Variants in SYNDIG1 observed in about 807,000 individuals in gnomAD.
SYNDIG1 encodes the protein synapse differentiation inducing 1, also known as synapse differentiation-inducing gene protein 1.
In SYNDIG1, 9 loss-of-function variants were observed where a neutral mutation model predicts 19.4. That is an observed-to-expected ratio of 0.46 (90% confidence interval 0.28 to 0.81). The LOEUF is 0.81. SYNDIG1 is among the 30% of genes least tolerant of loss of function. SYNDIG1 has a pLI of 0.12. For synonymous variants in SYNDIG1, 141 were observed against 145.9 expected (o/e 0.97, Z 0.24); for missense variants, 311 against 343.3 (o/e 0.91, Z 0.74).
At chr20:24,633,261 G>A (rs536433639) in intron 3 of SYNDIG1, among the ~76,000 whole-genome samples, 19 of 152,192 alleles carry the variant, frequency 1.2e-4, no homozygotes, top group Non-Finnish European at 2.2e-4. Context: ...GAGTACAGAC[G>A]TAGGATCTGA....
chr20:24,501,825 G>A (rs1204189274), intron 1 of SYNDIG1, among the ~76,000 whole-genome samples: 1 of 152,224 alleles, frequency 6.6e-6, no homozygotes, highest in Admixed American at 6.5e-5. Context: ...ATGCATCAGA[G>A]CAAGTAAGGC....
rs568337116 is a variant in SYNDIG1 at position 24,570,944 on chromosome 20, G to GA, written c.481-13904dup. Among the ~76,000 whole-genome samples, 646 of 151,988 alleles carry GA rather than the reference G, an allele frequency of 4.3e-3. 3 individuals carry two copies. Among genetic ancestry groups the GA allele is most frequent in the Non-Finnish European group, 7.3e-3 (498 of 67,952 alleles). On this transcript the variant is annotated intron_variant, in intron 2 of 3. Transcript: ENST00000376862. ...TTACTTATTATGGACTATTACTCAG[G>GA]AAAAAAAATGAATGAACTATGGATA...
At chr20:24,596,561 T>C (rs1223054840) in intron 3 of SYNDIG1, among the ~76,000 whole-genome samples, 1 of 151,802 alleles carries the variant, frequency 6.6e-6, no homozygotes, top group East Asian at 1.9e-4. Context: ...GTATTTTTAG[T>C]AGAGATAGAG....
chr20:24,597,369 T>C (rs1259560437), intron 3 of SYNDIG1, among the ~76,000 whole-genome samples: 1 of 152,208 alleles, frequency 6.6e-6, no homozygotes, highest in African/African-American at 2.4e-5. Context: ...GGCTGCCTTA[T>C]CCCGTCTTGT....
At chr20:24,482,924 T>C (rs1220768096) in intron 1 of SYNDIG1, among the ~76,000 whole-genome samples, 1 of 152,246 alleles carries the variant, frequency 6.6e-6, no homozygotes, top group Non-Finnish European at 1.5e-5. Flanking sequence ...TAATGGTATG[T>C]AGCCATGAAG....
At chr20:24,568,395 G>A (rs561704071) in intron 2 of SYNDIG1, among the ~76,000 whole-genome samples, 16 of 152,192 alleles carry the variant, frequency 1.1e-4, no homozygotes, top group African/African-American at 3.6e-4. Context: ...TCTGTCTGTC[G>A]TGAGCATGGG....
chr20:24,625,817 C>T (rs1482686854), intron 3 of SYNDIG1, among the ~76,000 whole-genome samples: 1 of 152,122 alleles, frequency 6.6e-6, no homozygotes, highest in South Asian at 2.1e-4. Flanking sequence ...CCCACCTTTC[C>T]CCCTTTTCTA....
chr20:24,577,791 C>T (rs1424447299), intron 2 of SYNDIG1, among the ~76,000 whole-genome samples: 1 of 152,206 alleles, frequency 6.6e-6, no homozygotes, highest in African/African-American at 2.4e-5. Context: ...CGTTGAAACC[C>T]TTCTCTGGAG....
chr20:24,628,165 T>C (rs1435879730), intron 3 of SYNDIG1, among the ~76,000 whole-genome samples: 1 of 152,068 alleles, frequency 6.6e-6, no homozygotes, highest in Non-Finnish European at 1.5e-5. Context: ...TTGTAAAAAT[T>C]ATCTGGGAAG....
At chr20:24,636,302 T>C (rs907056932) in intron 3 of SYNDIG1, among the ~76,000 whole-genome samples, 2 of 152,094 alleles carry the variant, frequency 1.3e-5, no homozygotes, top group Non-Finnish European at 2.9e-5. Flanking sequence ...GCCAAGGGAA[T>C]AGAGGAAATG....
intron 2 of SYNDIG1, among the ~76,000 whole-genome samples, chr20:24,574,428 G>T (rs1331314906): frequency 6.6e-6 from 1 of 152,096 alleles, no homozygotes; most frequent in African/African-American, 2.4e-5. Context: ...GGTGGAGGTT[G>T]CAGTGAGCCG....
intron 2 of SYNDIG1, among the ~76,000 whole-genome samples, chr20:24,553,314 A>T (rs1331932814): frequency 2.6e-5 from 4 of 152,122 alleles, no homozygotes; most frequent in South Asian, 2.1e-4. Context: ...CTTTAGTTTA[A>T]TGAGATCCCA....
intron 3 of SYNDIG1, among the ~76,000 whole-genome samples, chr20:24,588,529 C>CAA (rs2058454759): frequency 6.6e-6 from 1 of 152,188 alleles, no homozygotes; most frequent in Admixed American, 6.5e-5. Flanking sequence ...CCTGCTCAGT[C>CAA]AGAGTCTCTG....
chr20:24,527,914 C>G (rs1014301341), intron 1 of SYNDIG1, among the ~76,000 whole-genome samples: 1 of 152,172 alleles, frequency 6.6e-6, no homozygotes, highest in African/African-American at 2.4e-5. Context: ...GAGACCACAT[C>G]CGTAAAGAAT....
At chr20:24,659,955 A>C (rs183806470) in intron 3 of SYNDIG1, among the ~76,000 whole-genome samples, 34 of 152,260 alleles carry the variant, frequency 2.2e-4, no homozygotes, top group Admixed American at 2.2e-3. Context: ...TCTTCCAGTT[A>C]CCGTTCCTTC....
chr20:24,582,416 A>T, intron 2 of SYNDIG1, among the ~76,000 whole-genome samples: 1 of 106,306 alleles, frequency 9.4e-6, no homozygotes, highest in Non-Finnish European at 1.8e-5. Context: ...TCCCCGCTGC[A>T]CATCCTTTAC....
At chr20:24,491,290 G>T (rs781474694) in intron 1 of SYNDIG1, among the ~76,000 whole-genome samples, 1 of 152,232 alleles carries the variant, frequency 6.6e-6, no homozygotes, top group Admixed American at 6.5e-5. Context: ...TGCCCCTGGA[G>T]AACAGAGGTC....
intron 3 of SYNDIG1, among the ~76,000 whole-genome samples, chr20:24,632,307 A>AG (rs1397618559): frequency 6.6e-6 from 1 of 152,150 alleles, no homozygotes; most frequent in Non-Finnish European, 1.5e-5. Flanking sequence ...TGGTGCGATC[A>AG]CAACTCACTG....
chr20:24,647,680 C>A (rs2059434673), intron 3 of SYNDIG1, among the ~76,000 whole-genome samples: 1 of 151,738 alleles, frequency 6.6e-6, no homozygotes, highest in Non-Finnish European at 1.5e-5. Context: ...GAAGGCCCAG[C>A]AAGCTGGAAC....
Sources: allele counts gnomAD v4.1 joint callset (sites outside exome capture counted in the v4.1 genomes callset), GRCh38; gene constraint gnomAD v4.1.1; transcripts MANE v1.5; gene names NCBI Gene and HGNC (gene_info 2026-07-23, HGNC 2026-07-21).